Variants in C1orf216 observed in about 807,000 individuals in gnomAD.
The protein encoded by C1orf216 is chromosome 1 open reading frame 216.
A neutral mutation model predicts 16.4 loss-of-function variants in C1orf216; 18 were observed. The ratio of observed to expected loss-of-function variants is 1.10; its 90% confidence interval spans 0.76 to 1.63. The LOEUF (loss-of-function observed/expected upper bound fraction) is 1.63, where lower values mean the gene tolerates loss of function less well. Among genes scored for constraint, C1orf216 ranks in the 40% most tolerant of loss-of-function variants. The pLI, the probability that C1orf216 is intolerant of heterozygous loss-of-function variation, is 0.00. For missense variants in C1orf216, 271 were observed against 297.6 expected (o/e 0.91, Z 0.66); for synonymous variants, 115 against 116.9 (o/e 0.98, Z 0.11).
chr1:35,716,349 C>G, intron 1 of C1orf216, 23 bp from the exon 2 acceptor site: 1 of 1,580,736 alleles, frequency 6.3e-7, no homozygotes, highest in Non-Finnish European at 8.6e-7. Context: ...AGCAGGAGAC[C>G]GAGTCACAGT....
Position 35,716,069 on chromosome 1 carries a change from G to T in C1orf216, c.253C>A (p.Pro85Thr). The T allele has an allele frequency of 6.2e-7, 1 of 1,614,144 alleles. No homozygotes were observed. Among genetic ancestry groups the T allele is most frequent in the Non-Finnish European group, 8.5e-7 (1 of 1,180,030 alleles). Residue 85 changes from proline (P) to threonine (T), a missense_variant, in exon 2 of 2, where the codon CCA becomes ACA. By Grantham distance (38) the Pro-to-Thr change is conservative. This residue lies in a region of C1orf216 where 220 missense variants were observed against 227.8 expected (regional missense o/e 0.97). Transcript: ENST00000270815. ...GCCCCGGGAATCTCTGCCCCCTCTG[G>T]GGGGCTGCGCACCCCTTCCTCAGGG... ...GSPEEGVRSP[P>T]EGAEIPGAEP... is the part of the protein sequence containing the mutation.
rs1034571512 is a variant in C1orf216, at chr1:35,715,336, T to G, written c.*296A>C. 3 of 453,840 alleles carry G rather than the reference T, an allele frequency of 6.6e-6. No individual in the cohort carries two copies. The highest frequency in any genetic ancestry group is 1.2e-5 in the Non-Finnish European group (3 of 249,986). 28.1% of individuals were successfully genotyped at this position (453,840 alleles called of 1,614,324 possible). A position where few individuals can be genotyped will look rare whatever the true frequency, so the allele number is the denominator to read the frequency against. On this transcript the variant is annotated 3_prime_UTR_variant, in exon 2 of 2. Transcript: ENST00000270815. This position sits in a 1 kb window ranked among gnomAD's most constrained non-coding sequence, Gnocchi z 4.3. Reference sequence around the variant, plus strand: ...ACACTGCTGGGTACCTGTCTACACATGCACATACCGAGTTCCTCATTCTTA... The same window carrying G: ...ACACTGCTGGGTACCTGTCTACACAGGCACATACCGAGTTCCTCATTCTTA...
In C1orf216 at chr1:35,716,081, C is replaced by T. The variant is rs1640952002; in HGVS notation, c.241G>A (p.Val81Met). The change falls in exon 2 of 2, where the codon GTG becomes ATG. Residue 81 changes from valine (V) to methionine (M), a missense_variant. This residue lies in a region of C1orf216 where 220 missense variants were observed against 227.8 expected (regional missense o/e 0.97). Coordinates refer to ENST00000270815, the MANE Select transcript of C1orf216 (RefSeq NM_152374.2). ...FQAPGSPEEG[V>M]RSPPEGAEIP... is the part of the protein sequence containing the mutation. ...TCTGCCCCCTCTGGGGGGCTGCGCA[C>T]CCCTTCCTCAGGGGATCCAGGGGCC... The T allele has an allele frequency of 6.2e-7, 1 of 1,614,008 alleles. No homozygotes were observed. Among genetic ancestry groups the T allele is most frequent in the African/African-American group, 1.3e-5 (1 of 74,938 alleles).
At chr1:35,716,534 C>T in intron 1 of C1orf216, 1 of 588,844 alleles carries the variant, frequency 1.7e-6, no homozygotes, top group East Asian at 2.9e-5. Context: ...AAGGGTTTTT[C>T]CTCCGTCCTC....
rs1378252466 is a variant in C1orf216 at position 35,715,461 on chromosome 1, C to T, written c.*171G>A. 2.8e-6 allele frequency: 2 copies of T among 724,738 alleles called. No individual in the cohort carries two copies. 44.9% of individuals were successfully genotyped at this position (724,738 alleles called of 1,614,324 possible). A position where few individuals can be genotyped will look rare whatever the true frequency, so the allele number is the denominator to read the frequency against. On this transcript the variant is annotated 3_prime_UTR_variant, in exon 2 of 2. Coordinates refer to ENST00000270815, the MANE Select transcript of C1orf216 (RefSeq NM_152374.2). The surrounding 1 kb of genome is among the most constrained non-coding windows in gnomAD (Gnocchi z 4.3). Reference sequence around the variant, plus strand: ...CACATGTGCACACAGCACACTTAAGCTCATTTATACATGCTTATTCACACA... The same window carrying T: ...CACATGTGCACACAGCACACTTAAGTTCATTTATACATGCTTATTCACACA...
chr1:35,716,757 G>A (rs1376596020), intron 1 of C1orf216: 1 of 171,878 alleles, frequency 5.8e-6, no homozygotes, highest in East Asian at 1.7e-4. Flanking sequence ...AGCACTTTGG[G>A]AGGCCGAGGC....
Position 35,715,653 on chromosome 1 carries a change from G to A in C1orf216, c.669C>T (p.Ser223=). The change falls in exon 2 of 2, where the codon TCC becomes TCT. Residue 223 remains serine, a synonymous_variant. Coordinates refer to ENST00000270815, the MANE Select transcript of C1orf216 (RefSeq NM_152374.2). This position sits in a 1 kb window ranked among gnomAD's most constrained non-coding sequence, Gnocchi z 4.3. Reference sequence around the variant, plus strand: ...ACCCTTAGGCCTGGTCCTGGGGCCTGGATGGTGCTGCCCTCTGCTGGAGAC... The same window carrying A: ...ACCCTTAGGCCTGGTCCTGGGGCCTAGATGGTGCTGCCCTCTGCTGGAGAC... ...IRCLQQRAAP[S]RPQDQA 6.2e-7 allele frequency: 1 copy of A among 1,613,792 alleles called. No individual in the cohort carries two copies. The highest frequency in any genetic ancestry group is 8.5e-7 in the Non-Finnish European group (1 of 1,179,792).
chr1:35,718,516 G>C (rs1184757477), intron 1 of C1orf216, among the ~76,000 whole-genome samples, 191 bp downstream of exon 1: 1 of 152,162 alleles, frequency 6.6e-6, no homozygotes, highest in African/African-American at 2.4e-5. Context: ...TGAGAACCCC[G>C]ACACGCCAGG....
Position 35,716,058 on chromosome 1 carries a change from T to G in C1orf216, c.264A>C (p.Ala88=), listed in dbSNP as rs749644055. 46 of 1,613,944 alleles carry G rather than the reference T, an allele frequency of 2.9e-5. No individual in the cohort carries two copies. Among genetic ancestry groups the G allele is most frequent in the Non-Finnish European group, 3.6e-5 (43 of 1,179,988 alleles). The stretch of plus-strand genomic sequence containing the variant: ...TCTCAGGCTCAGCCCCGGGAATCTC[T>G]GCCCCCTCTGGGGGGCTGCGCACCC... ...EEGVRSPPEG[A]EIPGAEPEKM... Residue 88 remains alanine, a synonymous_variant, in exon 2 of 2, where the codon GCA becomes GCC. Coordinates refer to ENST00000270815, the MANE Select transcript of C1orf216 (RefSeq NM_152374.2).
intron 1 of C1orf216, chr1:35,716,619 T>C (rs1308239843): frequency 9.5e-6 from 4 of 419,052 alleles, no homozygotes; most frequent in African/African-American, 6.0e-5. Flanking sequence ...TCAAAGACCA[T>C]CATATGCTGG....
At chr1:35,718,486 G>A (rs1340923738) in intron 1 of C1orf216, among the ~76,000 whole-genome samples, 1 of 152,112 alleles carries the variant, frequency 6.6e-6, no homozygotes, top group Non-Finnish European at 1.5e-5. Flanking sequence ...GGGATCACAG[G>A]GTTCTCAGAG....
intron 1 of C1orf216, among the ~76,000 whole-genome samples, chr1:35,718,051 A>G (rs1046673664): frequency 3.9e-5 from 6 of 152,096 alleles, no homozygotes; most frequent in African/African-American, 1.4e-4. Context: ...TCTGGAACAC[A>G]GCCACTATCT....
At chr1:35,716,398 T>G in intron 1 of C1orf216, 72 bp from the exon 2 acceptor site, 1 of 1,353,582 alleles carries the variant, frequency 7.4e-7, no homozygotes, top group Non-Finnish European at 1.0e-6. Flanking sequence ...GCAACTTAGC[T>G]GCAGGGACAA....
At chr1:35,717,656 T>C (rs1320959894) in intron 1 of C1orf216, among the ~76,000 whole-genome samples, 1 of 152,216 alleles carries the variant, frequency 6.6e-6, no homozygotes, top group Non-Finnish European at 1.5e-5. Flanking sequence ...TATCCAACTT[T>C]GCATCCGTCC....
rs1640936062 is a variant in C1orf216, at chr1:35,715,480, TCA to T, written c.*150_*151del. The T allele has an allele frequency of 3.6e-6, 3 of 838,374 alleles. No individual in the cohort carries two copies. Among genetic ancestry groups the T allele is most frequent in the Admixed American group, 2.9e-5 (1 of 34,142 alleles). The allele number at this position is 838,374 out of a possible 1,614,324, so 51.9% of individuals were successfully genotyped here. On this transcript the variant is annotated 3_prime_UTR_variant, in exon 2 of 2. Transcript: ENST00000270815. The surrounding 1 kb of genome is among the most constrained non-coding windows in gnomAD (Gnocchi z 4.3). ...CTTAAGCTCATTTATACATGCTTAT[TCA>T]CACATGCCTACACACACCAGCCTAC...
chr1:35,717,937 C>G (rs1420467134), intron 1 of C1orf216, among the ~76,000 whole-genome samples: 1 of 152,084 alleles, frequency 6.6e-6, no homozygotes, highest in Non-Finnish European at 1.5e-5. Flanking sequence ...GAGCTGGGTT[C>G]TGGAAGAGCT....
intron 1 of C1orf216, 86 bp from the exon 2 acceptor site, chr1:35,716,412 T>C: frequency 8.2e-7 from 1 of 1,218,468 alleles, no homozygotes; most frequent in Non-Finnish European, 1.1e-6. Context: ...GGGACAAGGC[T>C]GCAAGCAAGA....
chr1:35,718,062 T>G (rs1289126109), intron 1 of C1orf216, among the ~76,000 whole-genome samples: 1 of 152,176 alleles, frequency 6.6e-6, no homozygotes, highest in Non-Finnish European at 1.5e-5. Context: ...GCCACTATCT[T>G]GCGGTCCCCG....
rs1295157565 is a variant in C1orf216 at position 35,718,700 on chromosome 1, G to C, written c.-6+7C>G. ...CACCCCGCCTCGGGCCCCAGACTCG[G>C]ACTCACGGCGTAGAGGCGCCCGCTC... On this transcript the variant is annotated splice_region_variant and intron_variant, in intron 1 of 1. Transcript: ENST00000270815. The C allele has an allele frequency of 6.6e-6, 1 of 152,562 alleles. No individual in the cohort carries two copies. The highest frequency in any genetic ancestry group is 1.5e-5 in the Non-Finnish European group (1 of 68,302). 9.5% of individuals were successfully genotyped at this position (152,562 alleles called of 1,614,324 possible).
Sources: allele counts gnomAD v4.1 joint callset (sites outside exome capture counted in the v4.1 genomes callset), GRCh38; gene constraint gnomAD v4.1.1; regional missense constraint gnomAD v4.1.1; non-coding constraint Gnocchi (gnomAD v3.1); transcripts MANE v1.5; gene names NCBI Gene and HGNC (gene_info 2026-07-23, HGNC 2026-07-21).